Variants in SDAD1 observed in about 807,000 individuals in gnomAD.
SDAD1 encodes SDA1 domain containing 1.
In SDAD1, 79 loss-of-function variants were observed where a neutral mutation model predicts 100.3. The observed-to-expected ratio is 0.79, with a 90% CI of 0.66 to 0.95. The LOEUF is 0.95. Among genes scored for constraint, SDAD1 ranks in the 40% least tolerant of loss-of-function variants. SDAD1 has a pLI of 0.00. For missense variants in SDAD1, 790 were observed against 810.9 expected (o/e 0.97, Z 0.31); for synonymous variants, 267 against 271.4 (o/e 0.98, Z 0.16).
At chr4:75,973,991 T>C in intron 7 of SDAD1, 85 bp downstream of exon 7, 1 of 1,170,148 alleles carries the variant, frequency 8.5e-7, no homozygotes, top group Non-Finnish European at 1.3e-6. Flanking sequence ...GCATGCAGTT[T>C]ATGCTGAGTG....
At chr4:75,968,575 T>C (rs1186938412) in intron 11 of SDAD1, among the ~76,000 whole-genome samples, 1 of 152,162 alleles carries the variant, frequency 6.6e-6, no homozygotes, top group African/African-American at 2.4e-5. Flanking sequence ...CTCTTGCAAC[T>C]AACATTTGTA....
chr4:75,974,764 G>A (rs377641602), intron 6 of SDAD1, among the ~76,000 whole-genome samples: 30 of 151,644 alleles, frequency 2.0e-4, no homozygotes, highest in Admixed American at 1.2e-3. Flanking sequence ...TATATAGGCC[G>A]GGCGCAGTGG....
rs1337533676 is a variant in SDAD1 at position 75,954,144 on chromosome 4, G to A, written c.2016+1831C>T. Among the ~76,000 whole-genome samples the A allele has an allele frequency of 2.0e-5, 3 of 152,128 alleles. No homozygotes were observed. The East Asian group carries it at 5.8e-4, about 29-fold the overall frequency. ...CGCCTGTAATCCCAGCACTTTGGGA[G>A]ACCGAGGCAGGCAGATCACGAGGTC... is the stretch of plus-strand genomic sequence containing the variant. On this transcript the variant is annotated intron_variant, in intron 21 of 21. Transcript: ENST00000356260.
At chr4:75,955,863 A>G (rs1279189052) in intron 21 of SDAD1, 112 bp downstream of exon 21, 3 of 1,244,374 alleles carry the variant, frequency 2.4e-6, no homozygotes, top group African/African-American at 3.0e-5. Flanking sequence ...CAATGCTCCC[A>G]AGACACACAC....
At chr4:75,963,068 T>C (rs1729338024) in intron 14 of SDAD1, among the ~76,000 whole-genome samples, 2 of 152,240 alleles carry the variant, frequency 1.3e-5, no homozygotes, top group African/African-American at 4.8e-5. Context: ...TTAATTTTTG[T>C]ATAAGGTGTC....
intron 17 of SDAD1, 46 bp from the exon 18 acceptor site, chr4:75,957,987 T>G (rs1729005399): frequency 2.0e-6 from 3 of 1,482,994 alleles, no homozygotes; most frequent in Non-Finnish European, 2.8e-6. Flanking sequence ...ATGTTGCACA[T>G]TCAACATAAA....
intron 21 of SDAD1, among the ~76,000 whole-genome samples, chr4:75,955,005 G>A (rs1027002999): frequency 3.3e-5 from 5 of 152,088 alleles, no homozygotes; most frequent in Non-Finnish European, 7.3e-5. Flanking sequence ...CTAGCTTCAC[G>A]TCCTGTTTCT....
In SDAD1 at chr4:75,970,385, G is replaced by A; in HGVS notation, c.814-7C>T. 6.2e-7 allele frequency: 1 copy of A among 1,609,004 alleles called. No individual in the cohort carries two copies. Among genetic ancestry groups the A allele is most frequent in the East Asian group, 2.2e-5 (1 of 44,844 alleles). On this transcript the variant is annotated splice_polypyrimidine_tract_variant and splice_region_variant and intron_variant, in intron 9 of 21. Coordinates refer to ENST00000356260, the MANE Select transcript of SDAD1 (RefSeq NM_018115.4). ...TTTTCTTCTTTTTTTGTTTCTGAAAGGGAGAGGAAAAACATTTTCAGTCTG... is the reference window on the plus strand; with the variant it reads ...TTTTCTTCTTTTTTTGTTTCTGAAAAGGAGAGGAAAAACATTTTCAGTCTG...
chr4:75,983,688 G>A (rs1263999302), intron 1 of SDAD1, among the ~76,000 whole-genome samples: 1 of 151,754 alleles, frequency 6.6e-6, no homozygotes, highest in Non-Finnish European at 1.5e-5. Context: ...CTGGCTATTA[G>A]CCCTTTGTCA....
chr4:75,969,024 C>G (rs1332008368), intron 11 of SDAD1, among the ~76,000 whole-genome samples: 1 of 84,688 alleles, frequency 1.2e-5, no homozygotes, highest in Non-Finnish European at 2.1e-5. Context: ...GAGGGAGACT[C>G]TGTCTCAAAA....
intron 1 of SDAD1, among the ~76,000 whole-genome samples, chr4:75,988,748 G>A (rs1417351307): frequency 6.6e-6 from 1 of 152,006 alleles, no homozygotes; most frequent in African/African-American, 2.4e-5. Context: ...TCAGGAAATG[G>A]CACTATCATC....
chr4:75,979,643 CAG>C (rs1416388356), intron 3 of SDAD1, among the ~76,000 whole-genome samples: 1 of 151,906 alleles, frequency 6.6e-6, no homozygotes, highest in Non-Finnish European at 1.5e-5. Flanking sequence ...TTAGTAGAGA[CAG>C]GGTTTCTCCA....
At chr4:75,963,278 T>TGTTTTGGTACCAGTACCATGCC in intron 14 of SDAD1, among the ~76,000 whole-genome samples, 1 of 152,010 alleles carries the variant, frequency 6.6e-6, no homozygotes, top group African/African-American at 2.4e-5. Flanking sequence ...AGTACCATGC[T>TGTTTTGGTACCAGTACCATGCC]GTTTTGGTTA....
chr4:75,954,003 C>T (rs1383874891), intron 21 of SDAD1, among the ~76,000 whole-genome samples: 5 of 152,144 alleles, frequency 3.3e-5, no homozygotes, highest in Non-Finnish European at 7.4e-5. Flanking sequence ...AAGGATCATG[C>T]CAACACACTA....
intron 13 of SDAD1, among the ~76,000 whole-genome samples, chr4:75,964,832 C>T (rs1729449646): frequency 6.6e-6 from 1 of 152,170 alleles, no homozygotes; most frequent in Non-Finnish European, 1.5e-5. Flanking sequence ...AGACATGTAT[C>T]ATTTCCCCAA....
At chr4:75,955,898 G>A (rs1017550862) in intron 21 of SDAD1, 77 bp downstream of exon 21, 12 of 1,477,074 alleles carry the variant, frequency 8.1e-6, no homozygotes, top group East Asian at 4.6e-5. Context: ...TTCAGAAGGC[G>A]CAAGTCCGTC....
chr4:75,954,117 C>T (rs897896031), intron 21 of SDAD1, among the ~76,000 whole-genome samples: 2 of 152,080 alleles, frequency 1.3e-5, no homozygotes, highest in African/African-American at 4.8e-5. Flanking sequence ...GGTAGTAGCT[C>T]ACGCCTGTAA....
chr4:75,975,038 C>A (rs1297607259), intron 6 of SDAD1, among the ~76,000 whole-genome samples: 10 of 148,962 alleles, frequency 6.7e-5, no homozygotes, highest in African/African-American at 2.5e-4. Context: ...AAGACTTTCT[C>A]AAAAAAAATT....
chr4:75,959,246 C>T (rs1729096779), intron 17 of SDAD1, among the ~76,000 whole-genome samples: 1 of 151,754 alleles, frequency 6.6e-6, no homozygotes, highest in South Asian at 2.1e-4. Context: ...CCCTCTAGAG[C>T]AGAAATAATA....
Sources: allele counts gnomAD v4.1 joint callset (sites outside exome capture counted in the v4.1 genomes callset), GRCh38; gene constraint gnomAD v4.1.1; transcripts MANE v1.5; gene names NCBI Gene and HGNC (gene_info 2026-07-23, HGNC 2026-07-21).